The following PCDH15 variants were observed in gnomAD, a reference collection of about 807,000 sequenced individuals.
PCDH15 encodes the protein protocadherin-15.
In PCDH15, 129 loss-of-function variants were observed where a neutral mutation model predicts 178.5. That is an observed-to-expected ratio of 0.72 (90% CI 0.63 to 0.84). PCDH15 has a LOEUF of 0.84. Ranked by LOEUF, PCDH15 falls within the 40% of genes least tolerant of loss-of-function variation. The probability of loss-of-function intolerance (pLI) is 0.00; values close to 1 mark genes in which losing one functional copy is unlikely to be tolerated. For missense variants in PCDH15, 2,230 were observed against 2,099.9 expected, an observed-to-expected ratio of 1.06 and a Z score of -1.21; for synonymous variants, 800 against 732.0, an observed-to-expected ratio of 1.09 and a Z score of -1.50.
At position 53,822,693 on chromosome 10, in the gene PCDH15, G is replaced by GAAAC. The variant is rs773160902; in HGVS notation, c.4368-2467_4368-2464dup. On this transcript the variant is annotated intron_variant, in intron 32 of 37. Transcript: ENST00000644397. ...TTCTGATTTGAGTTCCACAGTTCTT[G>GAAAC]AAACAGTTGGCAAAGTGGAGAATGA... 5 of 1,614,096 alleles carry GAAAC rather than the reference G, an allele frequency of 3.1e-6. No individual in the cohort carries two copies. The highest frequency in any genetic ancestry group is 1.6e-4 in the Middle Eastern group (1 of 6,062).
chr10:55,515,949 G>A (rs935177528), intron 2 of PCDH15, among the ~76,000 whole-genome samples: 1 of 152,124 alleles, frequency 6.6e-6, no homozygotes, highest in African/African-American at 2.4e-5. Flanking sequence ...CCAAAGTACT[G>A]AGAAATCTTC....
intron 2 of PCDH15, among the ~76,000 whole-genome samples, chr10:55,378,559 AT>A (rs769835050): frequency 8.5e-5 from 13 of 152,162 alleles, no homozygotes; most frequent in Non-Finnish European, 1.5e-4. Flanking sequence ...CTCATTTTTG[AT>A]TCACACCATG....
At chr10:55,258,200 T>C (rs1842052594) in intron 1 of PCDH15, among the ~76,000 whole-genome samples, 1 of 152,184 alleles carries the variant, frequency 6.6e-6, no homozygotes, top group African/African-American at 2.4e-5. Flanking sequence ...AATTGGAGTA[T>C]TTTAAGAAAA....
At chr10:53,926,385 T>G (rs978361892) in intron 25 of PCDH15, among the ~76,000 whole-genome samples, 1 of 152,226 alleles carries the variant, frequency 6.6e-6, no homozygotes, top group Admixed American at 6.5e-5. Flanking sequence ...ATTTCCATTT[T>G]CCATTTCCAG....
At chr10:55,016,024 G>A (rs766512435) in intron 2 of PCDH15, among the ~76,000 whole-genome samples, 54 of 149,306 alleles carry the variant, frequency 3.6e-4, no homozygotes, top group Non-Finnish European at 5.8e-4. Flanking sequence ...ATTCTACAAG[G>A]TTCCTTAAAA....
At chr10:55,555,861 A>G (rs929055085) in intron 2 of PCDH15, among the ~76,000 whole-genome samples, 3 of 152,110 alleles carry the variant, frequency 2.0e-5, no homozygotes, top group Non-Finnish European at 2.9e-5. Context: ...ACATATTTCA[A>G]TGGCTCTCCA....
rs752801351 is a variant in PCDH15 at position 53,806,751 on chromosome 10, G to T, written c.5051C>A (p.Ala1684Glu). The change falls in exon 38 of 38, where the codon GCG becomes GAG. Residue 1684 changes from alanine to glutamate, a missense_variant. Transcript: ENST00000644397. Reference protein sequence around the residue: ...APCPVGTDNTAVKPLRNRLKS... With the variant: ...APCPVGTDNTEVKPLRNRLKS... ...CAGCCTGTTCCTTAGTGGCTTCACC[G>T]CTGTATTGTCAGTCCCCACAGGGCA... 1 of 1,613,768 alleles carries T rather than the reference G, an allele frequency of 6.2e-7. No individual in the cohort carries two copies. Among genetic ancestry groups the T allele is most frequent in the Admixed American group, 1.7e-5 (1 of 59,986 alleles).
At chr10:53,847,706 A>G (rs2078067327) in intron 28 of PCDH15, among the ~76,000 whole-genome samples, 1 of 152,094 alleles carries the variant, frequency 6.6e-6, no homozygotes, top group African/African-American at 2.4e-5. Flanking sequence ...ACAAGGTGAC[A>G]GTCAAGTTTG....
chr10:54,594,451 T>C (rs935439633), intron 2 of PCDH15, among the ~76,000 whole-genome samples: 4 of 152,130 alleles, frequency 2.6e-5, no homozygotes, highest in African/African-American at 9.6e-5. Context: ...CCAGCCTGCC[T>C]GTACCTGCTA....
At chr10:54,515,630 T>C (rs989309392) in intron 3 of PCDH15, among the ~76,000 whole-genome samples, 1 of 151,996 alleles carries the variant, frequency 6.6e-6, no homozygotes, top group Non-Finnish European at 1.5e-5. Context: ...TTGAAGAGAG[T>C]AGTGGTTCTC....
chr10:55,214,328 CTAA>C (rs1840645401), intron 1 of PCDH15, among the ~76,000 whole-genome samples: 1 of 65,268 alleles, frequency 1.5e-5, no homozygotes, highest in African/African-American at 8.3e-5. Flanking sequence ...TTTTCATAGA[CTAA>C]CTACTGAGAG....
intron 2 of PCDH15, among the ~76,000 whole-genome samples, chr10:55,398,995 C>T (rs1384706052): frequency 1.3e-5 from 2 of 151,976 alleles, no homozygotes; most frequent in African/African-American, 4.8e-5. Context: ...TATATTCAAG[C>T]ATAATTTAAT....
intron 2 of PCDH15, among the ~76,000 whole-genome samples, chr10:54,918,943 G>T (rs1005618310): frequency 1.3e-5 from 2 of 152,152 alleles, no homozygotes; most frequent in Non-Finnish European, 2.9e-5. Context: ...ATTTGGATTA[G>T]ACTGGCTGGG....
At chr10:54,397,255 T>A (rs536316969) in intron 3 of PCDH15, among the ~76,000 whole-genome samples, 25 of 152,186 alleles carry the variant, frequency 1.6e-4, no homozygotes, top group African/African-American at 5.1e-4. Flanking sequence ...CTTAAAAAAC[T>A]TGGAGACATC....
intron 1 of PCDH15, among the ~76,000 whole-genome samples, chr10:54,754,137 T>C (rs1591459862): frequency 6.6e-6 from 1 of 151,844 alleles, no homozygotes; most frequent in Non-Finnish European, 1.5e-5. Flanking sequence ...TCCCCAAATC[T>C]TTACTGCCAA....
intron 26 of PCDH15, among the ~76,000 whole-genome samples, chr10:53,890,746 C>G (rs1204233877): frequency 6.6e-6 from 1 of 152,018 alleles, no homozygotes; most frequent in Non-Finnish European, 1.5e-5. Flanking sequence ...TGAATCCAGG[C>G]ATTTCATTGC....
intron 1 of PCDH15, among the ~76,000 whole-genome samples, chr10:55,185,922 G>C (rs1839788055): frequency 6.6e-6 from 1 of 151,566 alleles, no homozygotes; most frequent in Non-Finnish European, 1.5e-5. Flanking sequence ...TACAAAAATA[G>C]AAATAGTTAC....
chr10:53,808,260 T>C (rs1328139801), intron 37 of PCDH15: 1 of 275,040 alleles, frequency 3.6e-6, no homozygotes, highest in Non-Finnish European at 5.5e-6. Context: ...CTGTTAAAGA[T>C]ATAATTTGTT....
chr10:53,897,502 TCTC>T (rs201781462), intron 26 of PCDH15, among the ~76,000 whole-genome samples: 1,671 of 152,300 alleles, frequency 0.011, 34 homozygotes, highest in African/African-American at 0.038. Flanking sequence ...TGATGCCCTC[TCTC>T]CTCTTTTTCT....
Sources: gnomAD v4.1 joint callset for allele counts (sites outside exome capture counted in the v4.1 genomes callset) on GRCh38, gnomAD v4.1.1 for gene constraint, MANE v1.5 for transcripts, NCBI Gene and HGNC (gene_info 2026-07-23, HGNC 2026-07-21) for gene names.